LRRC15: variants seen among roughly 807,000 people sequenced by gnomAD.
LRRC15 encodes leucine rich repeat containing 15.
LRRC15 carries 5 observed loss-of-function variants against 4.3 expected under a neutral mutation model. The observed-to-expected ratio is 1.16, with a 90% CI of 0.61 to 2.44. The LOEUF (loss-of-function observed/expected upper bound fraction) is 2.44. Among genes scored for constraint, LRRC15 ranks in the 30% most tolerant of loss-of-function variants. The probability of loss-of-function intolerance (pLI) is 0.01; values close to 1 mark genes in which losing one functional copy is unlikely to be tolerated. For missense variants in LRRC15, 769 were observed against 747.0 expected, an observed-to-expected ratio of 1.03 and a Z score of -0.34; for synonymous variants, 337 against 323.2, an observed-to-expected ratio of 1.04 and a Z score of -0.46.
At chr3:194,362,640 T>C (rs1358886404) in intron 1 of LRRC15, among the ~76,000 whole-genome samples, 1 of 152,170 alleles carries the variant, frequency 6.6e-6, no homozygotes, top group East Asian at 1.9e-4. Flanking sequence ...TCCAGACCCC[T>C]GAGGAAGTAC....
Position 194,360,718 on chromosome 3 carries a change from G to A in LRRC15, c.326C>T (p.Ala109Val). ...GGGCAGAACCTGCAGCTTGTTGTTG[G>A]CGAGGCTGAGATAGCGCAGCGAGCC... ...NLGSLRYLSLANNKLQVLPIG... is the reference protein window; with the variant it reads ...NLGSLRYLSLVNNKLQVLPIG... Residue 109 changes from alanine (A) to valine (V), a missense_variant, in exon 2 of 2, where the codon GCC becomes GTC. Physicochemically the swap from Ala to Val is moderately conservative, Grantham distance 64. Transcript: ENST00000347624. 1.2e-6 allele frequency: 2 copies of A among 1,614,236 alleles called. No homozygotes were observed. Among genetic ancestry groups the A allele is most frequent in the Non-Finnish European group, 1.7e-6 (2 of 1,180,024 alleles).
At chr3:194,363,477 C>T (rs187867949) in intron 1 of LRRC15, 37 of 592,920 alleles carry the variant, frequency 6.2e-5, no homozygotes, top group African/African-American at 6.0e-4. Context: ...AGAAAACAAG[C>T]TGCCTAAACA....
chr3:194,355,485 T>C lies in LRRC15; in HGVS notation c.*3813A>G, dbSNP rs1293149753. ...GAAGGCAGCGGGTTGGTGAGAACAATCTCTCCTTAAGAGAAGAAGAAACCT... is the reference window on the plus strand; with the variant it reads ...GAAGGCAGCGGGTTGGTGAGAACAACCTCTCCTTAAGAGAAGAAGAAACCT... On this transcript the variant is annotated 3_prime_UTR_variant, in exon 2 of 2. Transcript: ENST00000347624. The C allele has an allele frequency of 6.6e-6, 1 of 152,202 alleles. No homozygotes were observed. The highest frequency in any genetic ancestry group is 1.5e-5 in the Non-Finnish European group (1 of 68,044). The allele number at this position is 152,202 out of a possible 1,614,324, so 9.4% of individuals were successfully genotyped here. A position where few individuals can be genotyped will look rare whatever the true frequency, so the allele number is the denominator to read the frequency against.
rs1713393382 is a variant in LRRC15, at chr3:194,355,254, G to A, written c.*4044C>T. 6.6e-6 allele frequency: 1 copy of A among 152,166 alleles called. No homozygotes were observed. Among genetic ancestry groups the A allele is most frequent in the Admixed American group, 6.5e-5 (1 of 15,272 alleles). The allele number at this position is 152,166 out of a possible 1,614,324, so 9.4% of individuals were successfully genotyped here. A position where few individuals can be genotyped will look rare whatever the true frequency, so the allele number is the denominator to read the frequency against. On this transcript the variant is annotated 3_prime_UTR_variant, in exon 2 of 2. Coordinates refer to ENST00000347624, the MANE Select transcript of LRRC15 (RefSeq NM_130830.5). ...GAGCACACACAGCCCATGTATACAT[G>A]TATATTATTTATTGTTGATTCTGTA...
rs149041793 is a variant in LRRC15, at chr3:194,360,804, G to A, written c.240C>T (p.Ile80=). The A allele has an allele frequency of 3.4e-5, 55 of 1,614,218 alleles. No individual in the cohort carries two copies. Among genetic ancestry groups the A allele is most frequent in the Middle Eastern group, 1.6e-4 (1 of 6,062 alleles). The change falls in exon 2 of 2, where the codon ATC becomes ATT. Residue 80 remains isoleucine, a synonymous_variant. Coordinates refer to ENST00000347624, the MANE Select transcript of LRRC15 (RefSeq NM_130830.5). ...GCTCATTCTTCTCAATCCTCAGGGC[G>A]ATGAGGGCTGAGATATTGAGGAACG... ...ESPFLNISAL[I]ALRIEKNELS...
intron 1 of LRRC15, among the ~76,000 whole-genome samples, chr3:194,365,386 T>A (rs890046503): frequency 1.9e-4 from 29 of 152,132 alleles, no homozygotes; most frequent in Non-Finnish European, 2.9e-5. Flanking sequence ...GCTTTGTTGG[T>A]TGGTGGGTTG....
intron 1 of LRRC15, among the ~76,000 whole-genome samples, chr3:194,362,126 C>CTGTGTGTGTG (rs151091397): frequency 0.088 from 13,295 of 151,528 alleles, 639 homozygotes; most frequent in African/African-American, 0.093. Flanking sequence ...ACATATATAA[C>CTGTGTGTGTG]TGTGTGTGTG....
intron 1 of LRRC15, among the ~76,000 whole-genome samples, chr3:194,367,835 G>T (rs577806958): frequency 1.3e-5 from 2 of 152,350 alleles, no homozygotes; most frequent in Non-Finnish European, 2.9e-5. Context: ...CCAACATGTT[G>T]CTTATTGTTT....
At chr3:194,362,045 G>A (rs1354198623) in intron 1 of LRRC15, among the ~76,000 whole-genome samples, 1 of 152,126 alleles carries the variant, frequency 6.6e-6, no homozygotes, top group Non-Finnish European at 1.5e-5. Flanking sequence ...TGGTAGGTCA[G>A]GTGTGGCAAT....
In LRRC15 at chr3:194,364,015, G is replaced by A. The variant is rs117656389; in HGVS notation, c.-3-2969C>T. Among the ~76,000 whole-genome samples, 38 of 152,218 alleles carry A rather than the reference G, an allele frequency of 2.5e-4. No individual in the cohort carries two copies. In the East Asian group the frequency reaches 7.2e-3, roughly 29 times the overall value. On this transcript the variant is annotated intron_variant, in intron 1 of 1. Transcript: ENST00000347624. ...CGGGTGCAGAAGTTATAGAGTAGCA[G>A]ATTTCAGTTCACACTGAAAATGGGC...
chr3:194,362,780 G>A (rs1377741799), intron 1 of LRRC15, among the ~76,000 whole-genome samples: 1 of 152,018 alleles, frequency 6.6e-6, no homozygotes, highest in Non-Finnish European at 1.5e-5. Flanking sequence ...TCTGTCTGTG[G>A]CTCTGAACTC....
At chr3:194,366,228 T>G (rs2108660136) in intron 1 of LRRC15, among the ~76,000 whole-genome samples, 1 of 152,332 alleles carries the variant, frequency 6.6e-6, no homozygotes, top group South Asian at 2.1e-4. Context: ...GGGCAGCACA[T>G]AAAATCGCCT....
At chr3:194,362,153 T>C (rs904296076) in intron 1 of LRRC15, among the ~76,000 whole-genome samples, 38 of 152,144 alleles carry the variant, frequency 2.5e-4, no homozygotes, top group Non-Finnish European at 5.3e-4. Flanking sequence ...TGTGTGTGTG[T>C]GTGTAAAATG....
In LRRC15 at chr3:194,367,528, G is replaced by A. The variant is rs913167220; in HGVS notation, c.-4+2133C>T. Among the ~76,000 whole-genome samples the A allele has an allele frequency of 2.0e-5, 3 of 152,124 alleles. No individual in the cohort carries two copies. The East Asian group carries it at 5.8e-4, about 29-fold the overall frequency. On this transcript the variant is annotated intron_variant, in intron 1 of 1. Transcript: ENST00000347624. ...TCGTCGTGTTAGCCAGGATGGTCTT[G>A]ATCTCCTGACCTCATGATCCTCCCG...
intron 1 of LRRC15, among the ~76,000 whole-genome samples, chr3:194,367,796 C>A (rs9850098): frequency 0.047 from 7,216 of 152,324 alleles, 594 homozygotes; most frequent in African/African-American, 0.17. Flanking sequence ...CGGGGACCCG[C>A]GTCTCTCATC....
At chr3:194,362,813 C>T (rs112381696) in intron 1 of LRRC15, among the ~76,000 whole-genome samples, 2 of 152,146 alleles carry the variant, frequency 1.3e-5, no homozygotes, top group African/African-American at 4.8e-5. Flanking sequence ...GCCTGGCCCA[C>T]GTCTCAGAGT....
At position 194,369,149 on chromosome 3, in the gene LRRC15, C is replaced by T. The variant is rs139742834; in HGVS notation, c.-4+512G>A. ...CTATGCAAAGCAGACAGCTCTCTTG[C>T]CTGGGAAACCCCCATGAAGGAAGGT... On this transcript the variant is annotated intron_variant, in intron 1 of 1. Transcript: ENST00000347624. Among the ~76,000 whole-genome samples, 808 of 152,346 alleles carry T rather than the reference C, an allele frequency of 5.3e-3. 5 individuals are homozygous for T. Among genetic ancestry groups the T allele is most frequent in the African/African-American group, 0.018 (763 of 41,578 alleles).
At position 194,359,763 on chromosome 3, in the gene LRRC15, A is replaced by T. The variant is rs145196127; in HGVS notation, c.1281T>A (p.Cys427Ter). 3 of 1,613,990 alleles carry T rather than the reference A, an allele frequency of 1.9e-6. No individual in the cohort carries two copies. Among genetic ancestry groups the T allele is most frequent in the Non-Finnish European group, 2.5e-6 (3 of 1,180,028 alleles). The change falls in exon 2 of 2, where the codon TGT becomes TGA. Residue 427 changes from cysteine to a stop codon, truncating the protein, a stop_gained. Coordinates refer to ENST00000347624, the MANE Select transcript of LRRC15 (RefSeq NM_130830.5). LOFTEE classifies it low-confidence loss of function (END_TRUNC). ...ELRLYDNPWR[C>*]DSDILPLRNW... ...TGCGGAGCGGAAGGATGTCTGAGTC[A>T]CACCTCCAGGGATTGTCATACAGCC...
rs1342159312 is a variant in LRRC15, at chr3:194,359,651, T to C, written c.1393A>G (p.Ile465Val). The C allele has an allele frequency of 3.1e-6, 5 of 1,613,994 alleles. No individual in the cohort carries two copies. Among genetic ancestry groups the C allele is most frequent in the Non-Finnish European group, 4.2e-6 (5 of 1,180,016 alleles). ...SPANVRGQSLIIINVNVAVPS... is the reference protein window; with the variant it reads ...SPANVRGQSLVIINVNVAVPS... The stretch of plus-strand genomic sequence containing the variant: ...ACAGCAACGTTGACATTGATGATAA[T>C]GAGGGACTGGCCTCGGACATTGGCT... The change falls in exon 2 of 2, where the codon ATT (isoleucine) becomes GTT (valine). Residue 465 changes from isoleucine to valine, a missense_variant. Coordinates refer to ENST00000347624, the MANE Select transcript of LRRC15 (RefSeq NM_130830.5).
Sources: allele counts gnomAD v4.1 joint callset (sites outside exome capture counted in the v4.1 genomes callset), GRCh38; gene constraint gnomAD v4.1.1; transcripts MANE v1.5; gene names NCBI Gene and HGNC (gene_info 2026-07-23, HGNC 2026-07-21).